EPHA3: variants seen among roughly 807,000 people sequenced by gnomAD.
EPHA3 encodes EPH receptor A3, also known as ephrin type-A receptor 3.
Under a neutral mutation model 107.1 loss-of-function variants are expected in EPHA3, and 42 were observed. The observed-to-expected ratio is 0.39, with a 90% CI of 0.31 to 0.51. The LOEUF (loss-of-function observed/expected upper bound fraction) is 0.51, where lower values mean the gene tolerates loss of function less well. Ranked by LOEUF, EPHA3 falls within the 20% of genes least tolerant of loss-of-function variation. EPHA3 has a pLI of 0.78. For missense variants in EPHA3, 1,183 were observed against 1,211.2 expected (o/e 0.98, Z 0.35); for synonymous variants, 461 against 424.8 (o/e 1.09, Z -1.05).
intron 2 of EPHA3, among the ~76,000 whole-genome samples, chr3:89,171,688 G>A (rs1052629121): frequency 2.6e-5 from 4 of 152,094 alleles, no homozygotes; most frequent in Non-Finnish European, 5.9e-5. Context: ...TTTTCCTTGT[G>A]ATGTGATTTT....
rs771868437 is a variant in EPHA3 at position 89,209,995 on chromosome 3, G to A, written c.289G>A (p.Val97Met). 1.9e-6 allele frequency: 3 copies of A among 1,613,856 alleles called. No homozygotes were observed. Among genetic ancestry groups the A allele is most frequent in the Non-Finnish European group, 1.7e-6 (2 of 1,179,952 alleles). The change falls in exon 3 of 17, where the codon GTG becomes ATG. Residue 97 changes from valine to methionine, a missense_variant. Physicochemically the swap from Val to Met is conservative, Grantham distance 21 (BLOSUM62 1). Transcript: ENST00000336596. ...VPRNSAQKIYVELKFTLRDCN... is the reference protein window; with the variant it reads ...VPRNSAQKIYMELKFTLRDCN... ...CAGGAACTCAGCTCAGAAGATTTAT[G>A]TGGAGCTCAAGTTCACTCTACGAGA...
chr3:89,424,692 A>T (rs1709422427), intron 11 of EPHA3, among the ~76,000 whole-genome samples: 1 of 151,458 alleles, frequency 6.6e-6, no homozygotes, highest in Non-Finnish European at 1.5e-5. Flanking sequence ...AGGAGAAAAA[A>T]ACAAAACTTT....
chr3:89,186,045 T>C (rs554970599), intron 2 of EPHA3, among the ~76,000 whole-genome samples: 3 of 152,056 alleles, frequency 2.0e-5, no homozygotes, highest in African/African-American at 7.2e-5. Flanking sequence ...TTCTTTCTCT[T>C]TTTTTCTTCT....
intron 2 of EPHA3, among the ~76,000 whole-genome samples, chr3:89,140,517 C>A (rs9838527): frequency 0.23 from 35,293 of 151,426 alleles, 4,243 homozygotes; most frequent in Middle Eastern, 0.33. Context: ...CAAGTTAGTC[C>A]TTCAACAATT....
chr3:89,249,748 G>A (rs989271142), intron 3 of EPHA3, among the ~76,000 whole-genome samples: 9 of 152,210 alleles, frequency 5.9e-5, no homozygotes, highest in South Asian at 2.1e-4. Context: ...GGCAGTTGTA[G>A]CCTTTAAACT....
At chr3:89,221,913 A>AG (rs1704385483) in intron 3 of EPHA3, among the ~76,000 whole-genome samples, 1 of 152,156 alleles carries the variant, frequency 6.6e-6, no homozygotes, top group South Asian at 2.1e-4. Flanking sequence ...ATAAGAGTTG[A>AG]GAAAAAAAAG....
At chr3:89,433,433 C>A (rs1453609609) in intron 13 of EPHA3, among the ~76,000 whole-genome samples, 1 of 152,016 alleles carries the variant, frequency 6.6e-6, no homozygotes, top group African/African-American at 2.4e-5. Context: ...ACAAGTAAAG[C>A]CGCAATAATA....
Position 89,480,908 on chromosome 3 carries a change from C to T in EPHA3, c.*1406C>T, listed in dbSNP as rs73846200. 0.025 allele frequency: 5,682 copies of T among 231,696 alleles called. 318 individuals carry two copies. Among genetic ancestry groups the T allele is most frequent in the African/African-American group, 0.12 (5,333 of 45,250 alleles). 14.4% of individuals were successfully genotyped at this position (231,696 alleles called of 1,614,324 possible). ...TCAGAATAGTTGGTCATCTAGCAAC[C>T]GCCTCAAAATGTGTAAGCAGGAGAG... On this transcript the variant is annotated 3_prime_UTR_variant, in exon 17 of 17. Transcript: ENST00000336596.
chr3:89,113,568 A>C (rs998673800), intron 1 of EPHA3, among the ~76,000 whole-genome samples: 2 of 146,906 alleles, frequency 1.4e-5, no homozygotes, highest in Admixed American at 1.3e-4. Flanking sequence ...AAAAGAAAAT[A>C]AAAAAAGTTG....
rs138141192 is a variant in EPHA3 at position 89,165,819 on chromosome 3, C to T, written c.153+38546C>T. ...CCTGCCGTTCTGGAACTTGGTCATG[C>T]TGTGGCTACACTGGCCAACAATCAG... On this transcript the variant is annotated intron_variant, in intron 2 of 16. Transcript: ENST00000336596. 2.1e-3 allele frequency among the ~76,000 whole-genome samples: 317 copies of T among 152,294 alleles called. 3 individuals carry two copies. Among genetic ancestry groups the T allele is most frequent in the African/African-American group, 7.3e-3 (305 of 41,564 alleles).
chr3:89,345,762 C>G (rs1367583988), intron 5 of EPHA3, among the ~76,000 whole-genome samples: 2 of 133,162 alleles, frequency 1.5e-5, no homozygotes, highest in Non-Finnish European at 3.3e-5. Flanking sequence ...GCTATCTCTC[C>G]CCCCTCCCCC....
At chr3:89,424,909 C>G (rs1342833829) in intron 11 of EPHA3, among the ~76,000 whole-genome samples, 1 of 151,274 alleles carries the variant, frequency 6.6e-6, no homozygotes, top group Non-Finnish European at 1.5e-5. Flanking sequence ...GTAAAGCATT[C>G]TATGTGTTAG....
At chr3:89,221,437 G>A (rs1175891519) in intron 3 of EPHA3, among the ~76,000 whole-genome samples, 4 of 152,048 alleles carry the variant, frequency 2.6e-5, no homozygotes, top group African/African-American at 4.8e-5. Flanking sequence ...ACATAGATAC[G>A]CTCTCTTAAC....
At chr3:89,291,759 T>C (rs1415214869) in intron 3 of EPHA3, among the ~76,000 whole-genome samples, 1 of 152,184 alleles carries the variant, frequency 6.6e-6, no homozygotes, top group Non-Finnish European at 1.5e-5. Flanking sequence ...ACTTTAAAGA[T>C]CAGAACTGTT....
chr3:89,310,323 C>G (rs2107360015), intron 3 of EPHA3, among the ~76,000 whole-genome samples: 1 of 152,114 alleles, frequency 6.6e-6, no homozygotes, highest in African/African-American at 2.4e-5. Context: ...AAGACCTTAT[C>G]ACAATTATCC....
intron 6 of EPHA3, among the ~76,000 whole-genome samples, chr3:89,397,131 A>C (rs1321412247): frequency 6.6e-6 from 1 of 152,206 alleles, no homozygotes; most frequent in African/African-American, 2.4e-5. Context: ...TCCTTGCTTG[A>C]AGTTAATATA....
intron 2 of EPHA3, among the ~76,000 whole-genome samples, chr3:89,145,614 A>C (rs1227127569): frequency 6.6e-6 from 1 of 151,834 alleles, no homozygotes; most frequent in African/African-American, 2.4e-5. Context: ...TAAATGAGTC[A>C]AATTTTTTAA....
At chr3:89,303,643 AT>A (rs984482219) in intron 3 of EPHA3, among the ~76,000 whole-genome samples, 4 of 152,126 alleles carry the variant, frequency 2.6e-5, no homozygotes, top group African/African-American at 7.2e-5. Context: ...TAAAAAATTG[AT>A]TTTTTTCTAT....
intron 15 of EPHA3, among the ~76,000 whole-genome samples, chr3:89,468,243 T>C (rs535204440): frequency 1.4e-5 from 1 of 70,326 alleles, no homozygotes; most frequent in African/African-American, 6.7e-5. Context: ...TCATTGGCAT[T>C]AAAATTAGGT....
Sources: allele counts gnomAD v4.1 joint callset (sites outside exome capture counted in the v4.1 genomes callset), GRCh38; gene constraint gnomAD v4.1.1; transcripts MANE v1.5; gene names NCBI Gene and HGNC (gene_info 2026-07-23, HGNC 2026-07-21).